COL4A3: variants seen among roughly 807,000 people sequenced by gnomAD.
The protein encoded by COL4A3 is collagen alpha-3(IV) chain.
COL4A3 carries 135 observed loss-of-function variants against 217.4 expected under a neutral mutation model. The ratio of observed to expected loss-of-function variants is 0.62; its 90% CI spans 0.54 to 0.72. The LOEUF is 0.72. Ranked by LOEUF, COL4A3 falls within the 30% of genes least tolerant of loss-of-function variation. The probability of loss-of-function intolerance (pLI) is 0.00; values close to 1 mark genes in which losing one functional copy is unlikely to be tolerated. For synonymous variants in COL4A3, 690 were observed against 736.3 expected (o/e 0.94, Z 1.02); for missense variants, 1,868 against 2,119.9 (o/e 0.88, Z 2.33).
chr2:227,258,128 T>G (rs920163082), intron 18 of COL4A3, among the ~76,000 whole-genome samples: 11 of 152,162 alleles, frequency 7.2e-5, no homozygotes, highest in Admixed American at 2.0e-4. Flanking sequence ...GCAGCCACAT[T>G]TTATATTCTG....
chr2:227,299,277 C>A (rs918400542), intron 43 of COL4A3, among the ~76,000 whole-genome samples: 2 of 152,180 alleles, frequency 1.3e-5, no homozygotes, highest in Non-Finnish European at 2.9e-5. Flanking sequence ...CGCCTGTAGT[C>A]CCAGCTACTC....
In COL4A3 at chr2:227,251,145, G is replaced by T. The variant is rs763422994; in HGVS notation, c.552G>T (p.Leu184Phe). Residue 184 changes from leucine (L) to phenylalanine (F), a missense_variant, in exon 10 of 52, where the codon TTG (leucine) becomes TTT (phenylalanine). This residue lies in a region of COL4A3 where 365 missense variants were observed against 333.8 expected (regional missense o/e 1.09). Transcript: ENST00000396578. Reference protein sequence around the residue: ...GLPGAPGPQGLPGPPGFPGPV... With the variant: ...GLPGAPGPQGFPGPPGFPGPV... Reference sequence around the variant, plus strand: ...ATTCTTCTCTCAATTTCAAGGGTTTGCCAGGCCCTCCAGGTTTTCCTGGGC... The same window carrying T: ...ATTCTTCTCTCAATTTCAAGGGTTTTCCAGGCCCTCCAGGTTTTCCTGGGC... 3 of 1,612,798 alleles carry T rather than the reference G, an allele frequency of 1.9e-6. No individual in the cohort carries two copies. Among genetic ancestry groups the T allele is most frequent in the Admixed American group, 1.7e-5 (1 of 60,024 alleles).
chr2:227,225,541 CAA>C (rs1452030032), intron 1 of COL4A3, among the ~76,000 whole-genome samples: 4 of 152,100 alleles, frequency 2.6e-5, no homozygotes, highest in South Asian at 2.1e-4. Flanking sequence ...GAGTGACCAA[CAA>C]GAGAGAGTGG....
intron 1 of COL4A3, among the ~76,000 whole-genome samples, chr2:227,215,630 T>C (rs1304016607): frequency 6.6e-6 from 1 of 152,150 alleles, no homozygotes; most frequent in African/African-American, 2.4e-5. Flanking sequence ...AACTAATTTT[T>C]GCATTTTTAG....
At chr2:227,248,268 T>G in intron 8 of COL4A3, 175 bp from the exon 9 acceptor site, 1 of 624,256 alleles carries the variant, frequency 1.6e-6, no homozygotes, top group Non-Finnish European at 2.9e-6. Context: ...TTAGAAAATA[T>G]GAAAATGCTT....
At chr2:227,196,559 C>T (rs574582731) in intron 1 of COL4A3, among the ~76,000 whole-genome samples, 60 of 152,192 alleles carry the variant, frequency 3.9e-4, no homozygotes, top group Middle Eastern at 3.4e-3. Flanking sequence ...CCTCGTGATC[C>T]GCCCGCCTCA....
At chr2:227,234,266 AC>A (rs2125870347) in intron 1 of COL4A3, among the ~76,000 whole-genome samples, 1 of 152,216 alleles carries the variant, frequency 6.6e-6, no homozygotes, top group African/African-American at 2.4e-5. Flanking sequence ...GGGAGGAGAC[AC>A]CAGTGTTTCC....
chr2:227,293,384 T>C (rs752117197), intron 38 of COL4A3, 67 bp downstream of exon 38: 60 of 1,560,100 alleles, frequency 3.8e-5, no homozygotes, highest in Middle Eastern at 1.8e-4. Context: ...CCTGAAATCA[T>C]TGTGGTAAAC....
chr2:227,215,149 T>C (rs549158746), intron 1 of COL4A3, among the ~76,000 whole-genome samples: 7 of 152,236 alleles, frequency 4.6e-5, no homozygotes, highest in African/African-American at 1.7e-4. Flanking sequence ...ACCAGTCTCA[T>C]CATCATCATT....
In COL4A3 at chr2:227,273,921, A is replaced by T. The variant is rs1291034810; in HGVS notation, c.1927+804A>T. Among the ~76,000 whole-genome samples, 3 of 152,270 alleles carry T rather than the reference A, an allele frequency of 2.0e-5. No individual in the cohort carries two copies. The East Asian group carries it at 5.8e-4, about 29-fold the overall frequency. On this transcript the variant is annotated intron_variant, in intron 26 of 51. Coordinates refer to ENST00000396578, the MANE Select transcript of COL4A3 (RefSeq NM_000091.5). ...CTGATAGTTTTGAGCAAATAATGCC[A>T]ACATGGTCATGTTTTACTTCTAAAA...
chr2:227,186,727 T>C (rs949817539), intron 1 of COL4A3, among the ~76,000 whole-genome samples: 1 of 152,182 alleles, frequency 6.6e-6, no homozygotes, highest in African/African-American at 2.4e-5. Flanking sequence ...ATGTTCTTGT[T>C]TCAGGACAGG....
rs1236147551 is a variant in COL4A3 at position 227,268,039 on chromosome 2, CCT to C, written c.1504+952_1504+953del. Among the ~76,000 whole-genome samples, 13 of 152,186 alleles carry C rather than the reference CCT, an allele frequency of 8.5e-5. No individual in the cohort carries two copies. In the East Asian group the frequency reaches 2.5e-3, roughly 29 times the overall value. On this transcript the variant is annotated intron_variant, in intron 23 of 51. Transcript: ENST00000396578. ...GTTCCTCTGCCCCTCGGGCCACTCC[CCT>C]GACTACACAGGGCCTCTCTCTCCCT... is the stretch of plus-strand genomic sequence containing the variant.
At chr2:227,212,286 A>G (rs1041750708) in intron 1 of COL4A3, among the ~76,000 whole-genome samples, 2 of 152,096 alleles carry the variant, frequency 1.3e-5, no homozygotes, top group Non-Finnish European at 2.9e-5. Flanking sequence ...TTAATATAGT[A>G]GAATTTATCC....
At chr2:227,204,646 T>G (rs1264789043) in intron 1 of COL4A3, among the ~76,000 whole-genome samples, 1 of 152,224 alleles carries the variant, frequency 6.6e-6, no homozygotes, top group African/African-American at 2.4e-5. Flanking sequence ...AGCCAACAAT[T>G]GCCTAGCTGG....
chr2:227,165,726 C>CG (rs1354373546), intron 1 of COL4A3, among the ~76,000 whole-genome samples: 1 of 152,080 alleles, frequency 6.6e-6, no homozygotes, highest in Non-Finnish European at 1.5e-5. Flanking sequence ...TGGAAATTAA[C>CG]GGTCACATAA....
intron 28 of COL4A3, 30 bp from the exon 29 acceptor site, chr2:227,279,763 A>C (rs1559893726): frequency 6.8e-7 from 1 of 1,460,592 alleles, no homozygotes; most frequent in Non-Finnish European, 9.5e-7. Context: ...GACTAATCCT[A>C]CAACAATGTT....
chr2:227,167,479 T>C (rs2065320960), intron 1 of COL4A3, among the ~76,000 whole-genome samples: 1 of 152,198 alleles, frequency 6.6e-6, no homozygotes, highest in Non-Finnish European at 1.5e-5. Flanking sequence ...TCTCAGGCAA[T>C]AGACCTGGGA....
Position 227,263,871 on chromosome 2 carries a change from G to A in COL4A3, c.1242G>A (p.Met414Ile). ...GERGRPGKDA[M>I]GTPGSPGCAG... ...GAGGCCGCCCAGGAAAGGATGCCATGGGGACTCCTGGGTCCCCAGGTTGTG... is the reference window on the plus strand; with the variant it reads ...GAGGCCGCCCAGGAAAGGATGCCATAGGGACTCCTGGGTCCCCAGGTTGTG... The change falls in exon 21 of 52, where the codon ATG becomes ATA. Residue 414 changes from methionine (M) to isoleucine (I), a missense_variant. Met to Ile is a conservative substitution (Grantham distance 10). Coordinates refer to ENST00000396578, the MANE Select transcript of COL4A3 (RefSeq NM_000091.5). 6.2e-7 allele frequency: 1 copy of A among 1,614,166 alleles called. No individual in the cohort carries two copies. The highest frequency in any genetic ancestry group is 1.1e-5 in the South Asian group (1 of 91,088).
rs554878771 is a variant in COL4A3 at position 227,179,803 on chromosome 2, G to T, written c.87+14990G>T. Among the ~76,000 whole-genome samples, 4 of 152,292 alleles carry T rather than the reference G, an allele frequency of 2.6e-5. No individual in the cohort carries two copies. The South Asian group carries it at 8.3e-4, about 32-fold the overall frequency. On this transcript the variant is annotated intron_variant, in intron 1 of 51. Coordinates refer to ENST00000396578, the MANE Select transcript of COL4A3 (RefSeq NM_000091.5). The stretch of plus-strand genomic sequence containing the variant: ...GCAATCAAGTGATGGGCTTAGATAC[G>T]TGTGCAGAGAATAATAGTAAAATTA...
Sources: gnomAD v4.1 joint callset for allele counts (sites outside exome capture counted in the v4.1 genomes callset) on GRCh38, gnomAD v4.1.1 for gene constraint, gnomAD v4.1.1 regional missense constraint, MANE v1.5 for transcripts, NCBI Gene and HGNC (gene_info 2026-07-23, HGNC 2026-07-21) for gene names.